Variants in PISD observed in about 807,000 individuals in gnomAD.
PISD encodes phosphatidylserine decarboxylase proenzyme, mitochondrial.
PISD carries 31 observed loss-of-function variants against 43.5 expected under a neutral mutation model. The observed-to-expected ratio is 0.71, with a 90% CI of 0.54 to 0.96. The LOEUF (loss-of-function observed/expected upper bound fraction) is 0.96, where lower values mean the gene tolerates loss of function less well. Ranked by LOEUF, PISD falls within the 40% of genes least tolerant of loss-of-function variation. The probability of loss-of-function intolerance (pLI) is 0.00; values close to 1 mark genes in which losing one functional copy is unlikely to be tolerated. For synonymous variants in PISD, 259 were observed against 228.7 expected (o/e 1.13, Z -1.20); for missense variants, 523 against 548.4 (o/e 0.95, Z 0.46).
At chr22:31,625,641 G>A (rs948670144) in intron 3 of PISD, 18 of 1,286,626 alleles carry the variant, frequency 1.4e-5, no homozygotes, top group South Asian at 2.6e-5. Context: ...CTCCAGCCTC[G>A]GGGGCTGACC....
intron 2 of PISD, among the ~76,000 whole-genome samples, chr22:31,649,941 T>C (rs1342687357): frequency 2.0e-5 from 3 of 152,116 alleles, no homozygotes; most frequent in African/African-American, 4.8e-5. Flanking sequence ...CATTGGAAGC[T>C]AGGCAAGAGG....
chr22:31,623,157 G>T (rs1442433769), intron 3 of PISD, among the ~76,000 whole-genome samples: 1 of 152,170 alleles, frequency 6.6e-6, no homozygotes, highest in African/African-American at 2.4e-5. Context: ...GGAAGCCAAG[G>T]GCAAGAGCAA....
chr22:31,646,886 T>C (rs1381771845), intron 3 of PISD, among the ~76,000 whole-genome samples: 1 of 152,032 alleles, frequency 6.6e-6, no homozygotes, highest in Non-Finnish European at 1.5e-5. Context: ...TTTTTTTGTT[T>C]AAGGTAGGTT....
chr22:31,649,210 ACTCT>A (rs778034246), intron 2 of PISD, among the ~76,000 whole-genome samples: 10 of 152,036 alleles, frequency 6.6e-5, no homozygotes, highest in Admixed American at 3.3e-4. Context: ...ACAGAGTGAG[ACTCT>A]CTCAATCAAT....
At chr22:31,625,712 G>A (rs1451060889) in intron 3 of PISD, 7 of 1,562,430 alleles carry the variant, frequency 4.5e-6, no homozygotes, top group Non-Finnish European at 6.1e-6. Flanking sequence ...TGACCTTCCG[G>A]AGGTCGTGGC....
intron 3 of PISD, chr22:31,632,333 G>C (rs749129947): frequency 2.9e-6 from 2 of 691,816 alleles, no homozygotes; most frequent in African/African-American, 1.9e-5. Context: ...GGGTGAACAA[G>C]GCACAGTGCC....
chr22:31,645,290 G>C (rs1362104508), intron 3 of PISD, among the ~76,000 whole-genome samples: 2 of 151,826 alleles, frequency 1.3e-5, no homozygotes, highest in Non-Finnish European at 2.9e-5. Flanking sequence ...TATATTCCCA[G>C]CTACTCCAGA....
At chr22:31,640,199 CTTT>C (rs35782790) in intron 3 of PISD, among the ~76,000 whole-genome samples, 3 of 139,346 alleles carry the variant, frequency 2.2e-5, no homozygotes, top group Admixed American at 7.3e-5. Context: ...TTTCAAGCTA[CTTT>C]TTTTTTTTTT....
chr22:31,645,965 A>G (rs746483255), intron 3 of PISD, among the ~76,000 whole-genome samples: 5 of 152,090 alleles, frequency 3.3e-5, no homozygotes, highest in Admixed American at 6.5e-5. Flanking sequence ...ATATATATAC[A>G]AATATTGAAA....
chr22:31,625,550 G>GGGCCCTCCTC (rs145134788), intron 3 of PISD: 35,506 of 616,956 alleles, frequency 0.058, 1,149 homozygotes, highest in African/African-American at 0.089. Context: ...TCCCCCTGCT[G>GGGCCCTCCTC]GGCCCTCCTC....
At chr22:31,637,167 AT>A (rs2073518662) in intron 3 of PISD, among the ~76,000 whole-genome samples, 1 of 19,218 alleles carries the variant, frequency 5.2e-5, no homozygotes, top group African/African-American at 3.5e-4. Flanking sequence ...AAAAAAAAAT[AT>A]ATATATATAT....
chr22:31,660,004 A>G (rs975792096), intron 1 of PISD, among the ~76,000 whole-genome samples: 2 of 152,142 alleles, frequency 1.3e-5, no homozygotes, highest in Non-Finnish European at 2.9e-5. Flanking sequence ...TGAGTTTAGG[A>G]AACATGGCCC....
chr22:31,643,212 C>T (rs1381761747), intron 3 of PISD, among the ~76,000 whole-genome samples: 1 of 152,062 alleles, frequency 6.6e-6, no homozygotes, highest in African/African-American at 2.4e-5. Flanking sequence ...TGGGAATCAT[C>T]ATGTCCCCTG....
intron 3 of PISD, among the ~76,000 whole-genome samples, chr22:31,644,177 A>T (rs2073817550): frequency 6.6e-6 from 1 of 152,072 alleles, no homozygotes; most frequent in South Asian, 2.1e-4. Context: ...GAAAACACAG[A>T]TCTTGCACCT....
At position 31,662,170 on chromosome 22, in the gene PISD, C is replaced by A; in HGVS notation, c.39G>T (p.Leu13=). The part of the protein sequence containing the change: ...TSVGHRCLGL[L]HGVAPWRSSL... ...TGCTCCGCCACGGCGCGACCCCGTG[C>A]AGTAATCCCAGACATCGGTGCCCCA... The change falls in exon 1 of 8, where the codon CTG becomes CTT. Residue 13 remains leucine, a synonymous_variant. Coordinates refer to ENST00000439502, the MANE Select transcript of PISD (RefSeq NM_001326411.2). 1 of 1,606,672 alleles carries A rather than the reference C, an allele frequency of 6.2e-7. No individual in the cohort carries two copies. The highest frequency in any genetic ancestry group is 8.5e-7 in the Non-Finnish European group (1 of 1,179,818).
intron 3 of PISD, chr22:31,625,739 AG>A: frequency 2.6e-6 from 4 of 1,568,390 alleles, no homozygotes; most frequent in Non-Finnish European, 3.5e-6. Context: ...CCGTGGGGTT[AG>A]GGCGCGGTGG....
chr22:31,621,603 C>T (rs1490616765), intron 4 of PISD, 46 bp downstream of exon 4: 1 of 1,599,946 alleles, frequency 6.3e-7, no homozygotes, highest in South Asian at 1.1e-5. Flanking sequence ...GCTGGGGAGG[C>T]AGGAAAAAGT....
chr22:31,646,445 A>G (rs967461425), intron 3 of PISD, among the ~76,000 whole-genome samples: 2 of 152,198 alleles, frequency 1.3e-5, no homozygotes, highest in Non-Finnish European at 2.9e-5. Flanking sequence ...CCAGGTCTGA[A>G]ACTATGTATG....
At chr22:31,640,880 G>GTTTTTTTTTTTTT (rs1214973570) in intron 3 of PISD, among the ~76,000 whole-genome samples, 1,414 of 24,582 alleles carry the variant, frequency 0.058, 523 homozygotes, top group Middle Eastern at 0.25. Flanking sequence ...CACACCCGGT[G>GTTTTTTTTTTTTT]TTTTTTTTTT....
Sources: gnomAD v4.1 joint callset for allele counts (sites outside exome capture counted in the v4.1 genomes callset) on GRCh38, gnomAD v4.1.1 for gene constraint, MANE v1.5 for transcripts, NCBI Gene and HGNC (gene_info 2026-07-23, HGNC 2026-07-21) for gene names.